ESR1: variants seen among roughly 807,000 people sequenced by gnomAD.
ESR1 encodes estrogen receptor.
A neutral mutation model predicts 52.7 loss-of-function variants in ESR1; 12 were observed. The ratio of observed to expected loss-of-function variants is 0.23; its 90% CI spans 0.15 to 0.37. The LOEUF (loss-of-function observed/expected upper bound fraction) is 0.37, where lower values mean the gene tolerates loss of function less well. ESR1 is among the 10% of genes least tolerant of loss of function. ESR1 has a pLI of 1.00. For synonymous variants in ESR1, 305 were observed against 316.8 expected (o/e 0.96, Z 0.39); for missense variants, 584 against 779.7 (o/e 0.75, Z 2.99).
At chr6:151,917,786 A>G (rs1013365790) in intron 3 of ESR1, among the ~76,000 whole-genome samples, 4 of 152,228 alleles carry the variant, frequency 2.6e-5, no homozygotes, top group African/African-American at 7.2e-5. Context: ...GTGTTGAGCA[A>G]CAAGTTGGGA....
chr6:151,728,115 T>G (rs1447712070), intron 2 of ESR1, among the ~76,000 whole-genome samples: 1 of 152,182 alleles, frequency 6.6e-6, no homozygotes, highest in African/African-American at 2.4e-5. Context: ...AAGCTTGGGC[T>G]CTGGACTCAG....
intron 3 of ESR1, among the ~76,000 whole-genome samples, chr6:151,936,862 A>G (rs2034428689): frequency 6.6e-6 from 1 of 152,198 alleles, no homozygotes; most frequent in Admixed American, 6.5e-5. Context: ...ATAGTGGCCA[A>G]ATGAATGGCA....
chr6:151,823,052 G>T (rs978030478), intron 1 of ESR1, among the ~76,000 whole-genome samples: 3 of 152,054 alleles, frequency 2.0e-5, no homozygotes, highest in South Asian at 4.1e-4. Flanking sequence ...CAGGTAAACT[G>T]GAATTTCAGT....
At chr6:151,799,557 C>T (rs1777027461), upstream of ESR1, among the ~76,000 whole-genome samples, 1 of 152,200 alleles carries the variant, frequency 6.6e-6, no homozygotes, top group Non-Finnish European at 1.5e-5. Context: ...AACTACACAT[C>T]AGGGATTGTG....
chr6:151,669,872 A>G lies in ESR1; in HGVS notation n.73+13109A>G, dbSNP rs1178373785. Reference sequence around the variant, plus strand: ...TAATGGATGAGAGATTGTAAAACACATTTGCATTGGGGAGAAGGACACATG... The same window carrying G: ...TAATGGATGAGAGATTGTAAAACACGTTTGCATTGGGGAGAAGGACACATG... On this transcript the variant is annotated intron_variant and non_coding_transcript_variant, in intron 1 of 2. Transcript: ENST00000473497. Among the ~76,000 whole-genome samples the G allele has an allele frequency of 3.3e-5, 5 of 152,316 alleles. No homozygotes were observed. In the East Asian group the frequency reaches 9.7e-4, roughly 29 times the overall value.
intron 6 of ESR1, among the ~76,000 whole-genome samples, chr6:152,123,164 A>G (rs1180544564): frequency 2.0e-5 from 3 of 152,250 alleles, no homozygotes; most frequent in Non-Finnish European, 4.4e-5. Context: ...AGCAAAAATA[A>G]AAACAGTCTT....
At chr6:151,695,757 A>G (rs1229981456) in intron 1 of ESR1, among the ~76,000 whole-genome samples, 1 of 152,242 alleles carries the variant, frequency 6.6e-6, no homozygotes, top group African/African-American at 2.4e-5. Context: ...ATTATTTATT[A>G]GAAGCAATAA....
intron 6 of ESR1, among the ~76,000 whole-genome samples, chr6:152,075,379 T>A (rs981884654): frequency 6.6e-6 from 1 of 152,228 alleles, no homozygotes; most frequent in Admixed American, 6.5e-5. Flanking sequence ...TGGCTCTATT[T>A]TTCCAATGTA....
intron 2 of ESR1, among the ~76,000 whole-genome samples, chr6:151,789,360 G>A (rs1053247169): frequency 1.2e-4 from 18 of 152,156 alleles, no homozygotes; most frequent in Non-Finnish European, 2.5e-4. Flanking sequence ...TAATGAACAT[G>A]TATCAATACA....
chr6:151,892,125 C>A (rs887858211), intron 3 of ESR1, among the ~76,000 whole-genome samples: 2 of 152,152 alleles, frequency 1.3e-5, no homozygotes, highest in Non-Finnish European at 2.9e-5. Flanking sequence ...TGACTCTTTA[C>A]CTACTACCTA....
chr6:151,899,107 C>T (rs1308916791), intron 3 of ESR1, among the ~76,000 whole-genome samples: 4 of 137,056 alleles, frequency 2.9e-5, no homozygotes, highest in East Asian at 2.6e-4. Flanking sequence ...CCGGACGGGG[C>T]GGCTGGCCGG....
At chr6:152,085,336 A>G (rs2049615385) in intron 6 of ESR1, among the ~76,000 whole-genome samples, 1 of 151,986 alleles carries the variant, frequency 6.6e-6, no homozygotes, top group South Asian at 2.1e-4. Context: ...ACAAAACAAA[A>G]CAAAAAGAAA....
chr6:151,686,647 C>T (rs1230405775), upstream of ESR1, among the ~76,000 whole-genome samples: 1 of 152,142 alleles, frequency 6.6e-6, no homozygotes, highest in African/African-American at 2.4e-5. Flanking sequence ...GAGATGGCGC[C>T]ACTGCACTCC....
At chr6:151,930,072 C>A (rs1719940548) in intron 3 of ESR1, among the ~76,000 whole-genome samples, 1 of 151,900 alleles carries the variant, frequency 6.6e-6, no homozygotes, top group South Asian at 2.1e-4. Flanking sequence ...CAACCTCTGC[C>A]TCCTGGGTTC....
At chr6:151,767,311 A>G (rs1785142277) in intron 2 of ESR1, among the ~76,000 whole-genome samples, 1 of 152,206 alleles carries the variant, frequency 6.6e-6, no homozygotes, top group Non-Finnish European at 1.5e-5. Context: ...TAAGAGAGTA[A>G]AAGTTTATTT....
At chr6:151,671,382 A>G (rs1158574441) in intron 1 of ESR1, among the ~76,000 whole-genome samples, 1 of 152,222 alleles carries the variant, frequency 6.6e-6, no homozygotes, top group Non-Finnish European at 1.5e-5. Flanking sequence ...CACTTGTGAC[A>G]ACGTAGATGA....
At chr6:151,815,502 G>A (rs1779474504) in intron 1 of ESR1, among the ~76,000 whole-genome samples, 1 of 152,164 alleles carries the variant, frequency 6.6e-6, no homozygotes, top group Non-Finnish European at 1.5e-5. Context: ...GAAGCATCAG[G>A]GACATGGTTT....
intron 1 of ESR1, among the ~76,000 whole-genome samples, chr6:151,696,355 C>T (rs1265485085): frequency 6.6e-6 from 1 of 151,930 alleles, no homozygotes; most frequent in Non-Finnish European, 1.5e-5. Context: ...GCCTGTAATA[C>T]CAGCTACTTG....
At chr6:151,792,106 A>G (rs1391956349) in intron 2 of ESR1, among the ~76,000 whole-genome samples, 1 of 152,202 alleles carries the variant, frequency 6.6e-6, no homozygotes, top group Non-Finnish European at 1.5e-5. Context: ...TACTGTCCTG[A>G]ATACTGCGGC....
Sources: allele counts gnomAD v4.1 joint callset (sites outside exome capture counted in the v4.1 genomes callset), GRCh38; gene constraint gnomAD v4.1.1; transcripts MANE v1.5; gene names NCBI Gene and HGNC (gene_info 2026-07-23, HGNC 2026-07-21).